Variants in FOXH1 observed in about 807,000 individuals in gnomAD.
The protein encoded by FOXH1 is forkhead box H1, also known as forkhead box protein H1.
FOXH1 carries 10 observed loss-of-function variants against 14.2 expected under a neutral mutation model. The observed-to-expected ratio is 0.70, with a 90% CI of 0.43 to 1.19. The LOEUF is 1.19. FOXH1 is among the 50% of genes most tolerant of loss of function. FOXH1 has a pLI of 0.00. For synonymous variants in FOXH1, 273 were observed against 209.5 expected, an observed-to-expected ratio of 1.30 and a Z score of -2.62; for missense variants, 643 against 492.1, an observed-to-expected ratio of 1.31 and a Z score of -2.90.
intron 2 of FOXH1, 29 bp from the exon 3 acceptor site, chr8:144,475,085 G>T: frequency 6.3e-7 from 1 of 1,599,780 alleles, no homozygotes; most frequent in South Asian, 1.1e-5. Context: ...CATGGGTGGG[G>T]CTGCCCAACC....
chr8:144,473,697 A>G lies in FOXH1; in HGVS notation c.*541T>C. The G allele has an allele frequency of 4.1e-6, 2 of 483,412 alleles. No individual in the cohort carries two copies. The highest frequency in any genetic ancestry group is 3.9e-5 in the South Asian group (1 of 25,322). The allele number at this position is 483,412 out of a possible 1,614,324, so 29.9% of individuals were successfully genotyped here. A position where few individuals can be genotyped will look rare whatever the true frequency, so the allele number is the denominator to read the frequency against. ...GGCCCCCCCGCCAAGTGGTTACCCA[A>G]GTCACCACTCCTGACCCAAAAATCA... On this transcript the variant is annotated 3_prime_UTR_variant, in exon 3 of 3. Transcript: ENST00000377317.
Position 144,475,696 on chromosome 8 carries a change from G to C in FOXH1, c.61C>G (p.Pro21Ala). 1 of 1,425,508 alleles carries C rather than the reference G, an allele frequency of 7.0e-7. No individual in the cohort carries two copies. Among genetic ancestry groups the C allele is most frequent in the Non-Finnish European group, 9.2e-7 (1 of 1,088,776 alleles). The allele number at this position is 1,425,508 out of a possible 1,614,324, so 88.3% of individuals were successfully genotyped here. Residue 21 changes from proline (P) to alanine (A), a missense_variant, in exon 1 of 3, where the codon CCT becomes GCT. By Grantham distance (27) the Pro-to-Ala change is conservative. Transcript: ENST00000377317. The part of the protein sequence containing the change: ...PPEAESPSQP[P>A]KRRKKRYLRH... ...AGGTACCTCTTCTTCCTCCTCTTAG[G>C]GGGCTGGGAGGGCGACTCTGCCTCT...
chr8:144,475,377 G>A (rs2130040652), intron 1 of FOXH1, 116 bp from the exon 2 acceptor site: 1 of 991,978 alleles, frequency 1.0e-6, no homozygotes, highest in Non-Finnish European at 1.5e-6. Flanking sequence ...TGCTGTCCCC[G>A]AAGAAGGACA....
chr8:144,475,345 A>C, intron 1 of FOXH1, 84 bp from the exon 2 acceptor site: 1 of 1,223,276 alleles, frequency 8.2e-7, no homozygotes, highest in Non-Finnish European at 1.2e-6. Flanking sequence ...TACCGGGCTC[A>C]GGGGCGCGCG....
chr8:144,475,605 G>A lies in FOXH1; in HGVS notation c.152C>T (p.Ser51Phe). 1 of 1,447,824 alleles carries A rather than the reference G, an allele frequency of 6.9e-7. No individual in the cohort carries two copies. The highest frequency in any genetic ancestry group is 1.5e-5 in the South Asian group (1 of 66,378). The allele number at this position is 1,447,824 out of a possible 1,614,324, so 89.7% of individuals were successfully genotyped here. The stretch of plus-strand genomic sequence containing the variant: ...CACCTGGGCCAGCTTCAGTCTGCGG[G>A]AGGGAGCGGCCTGAATCACCAAGGC... ...MIALVIQAAP[S>F]RRLKLAQIIR... The change falls in exon 1 of 3, where the codon TCC becomes TTC. Residue 51 changes from serine to phenylalanine, a missense_variant. Physicochemically the swap from Ser to Phe is radical, Grantham distance 155. Transcript: ENST00000377317.
At position 144,475,771 on chromosome 8, in the gene FOXH1, A is replaced by C; in HGVS notation, c.-15T>G. 7.3e-7 allele frequency: 1 copy of C among 1,374,446 alleles called. No individual in the cohort carries two copies. Among genetic ancestry groups the C allele is most frequent in the South Asian group, 1.9e-5 (1 of 51,452 alleles). 85.1% of individuals were successfully genotyped at this position (1,374,446 alleles called of 1,614,324 possible). On this transcript the variant is annotated 5_prime_UTR_variant, in exon 1 of 3. Coordinates refer to ENST00000377317, the MANE Select transcript of FOXH1 (RefSeq NM_003923.3). ...CAGGGCCCCATGCGGGACGGTAGAC[A>C]GCGTGGGCAGGGGCCTGGCCGGGTG...
Position 144,474,822 on chromosome 8 carries a change from G to A in FOXH1, c.514C>T (p.Leu172=). ...GCCCCCTCCCCGGACCCTCCTAGCA[G>A]GGACTTGATGCTGAAGCCCTCACTG... ...PPSEGFSIKS[L]LGGSGEGAPW... is the part of the protein sequence containing the mutation. The change falls in exon 3 of 3, where the codon CTG becomes TTG. Residue 172 remains leucine (L), a synonymous_variant. Transcript: ENST00000377317. The A allele has an allele frequency of 6.2e-7, 1 of 1,611,632 alleles. No individual in the cohort carries two copies. Among genetic ancestry groups the A allele is most frequent in the Non-Finnish European group, 8.5e-7 (1 of 1,179,572 alleles).
In FOXH1 at chr8:144,474,729, C is replaced by T. The variant is rs530796374; in HGVS notation, c.607G>A (p.Ala203Thr). The T allele has an allele frequency of 5.8e-6, 9 of 1,550,554 alleles. No individual in the cohort carries two copies. The highest frequency in any genetic ancestry group is 1.9e-5 in the Admixed American group (1 of 52,540). Residue 203 changes from alanine (A) to threonine (T), a missense_variant, in exon 3 of 3, where the codon GCG (alanine) becomes ACG (threonine). Ala to Thr is a moderately conservative substitution (Grantham distance 58). Coordinates refer to ENST00000377317, the MANE Select transcript of FOXH1 (RefSeq NM_003923.3). ...GAGGGAAGGGGTGGGGTGGGCACCG[C>T]CTCCTCCCCACTGTTCCCTGTGCCT... ...PAGTGNSGEE[A>T]VPTPPLPSSE...
chr8:144,474,216 A>G lies in FOXH1; in HGVS notation c.*22T>C, dbSNP rs777157477. The G allele has an allele frequency of 1.3e-6, 2 of 1,518,634 alleles. No homozygotes were observed. Among genetic ancestry groups the G allele is most frequent in the Non-Finnish European group, 1.8e-6 (2 of 1,128,976 alleles). The allele number at this position is 1,518,634 out of a possible 1,614,324, so 94.1% of individuals were successfully genotyped here. A position where few individuals can be genotyped will look rare whatever the true frequency, so the allele number is the denominator to read the frequency against. On this transcript the variant is annotated 3_prime_UTR_variant, in exon 3 of 3. Transcript: ENST00000377317. ...GGTGGGGGTGGGAGCGGGAGGGAGG[A>G]GTGGCCCCTGTCTTAAGAGCCTCAC... is the stretch of plus-strand genomic sequence containing the variant.
chr8:144,475,019 T>C lies in FOXH1; in HGVS notation c.317A>G (p.Asn106Ser). The C allele has an allele frequency of 6.2e-7, 1 of 1,604,770 alleles. No individual in the cohort carries two copies. The highest frequency in any genetic ancestry group is 1.1e-5 in the South Asian group (1 of 89,760). ...KDPAKPQAKG[N>S]FWAVDVSLIP... ...CAGGCTCACGTCGACCGCCCAGAAG[T>C]TGCCCTTGGCCTGGGGCTTTGCAGG... The change falls in exon 3 of 3, where the codon AAC becomes AGC. Residue 106 changes from asparagine (N) to serine (S), a missense_variant. By Grantham distance (46) the Asn-to-Ser change is conservative (BLOSUM62 1). Coordinates refer to ENST00000377317, the MANE Select transcript of FOXH1 (RefSeq NM_003923.3).
chr8:144,473,466 C>T lies in FOXH1; in HGVS notation c.*772G>A, dbSNP rs1321170926. 4 of 1,469,702 alleles carry T rather than the reference C, an allele frequency of 2.7e-6. No individual in the cohort carries two copies. Among genetic ancestry groups the T allele is most frequent in the Non-Finnish European group, 3.6e-6 (4 of 1,113,068 alleles). The allele number at this position is 1,469,702 out of a possible 1,614,324, so 91.0% of individuals were successfully genotyped here. A position where few individuals can be genotyped will look rare whatever the true frequency, so the allele number is the denominator to read the frequency against. ...GAGGCGGTAGTAAAGTCCCTGTACCCCGTCTCCCAGGGCACAAGCTCCCTA... is the reference window on the plus strand; with the variant it reads ...GAGGCGGTAGTAAAGTCCCTGTACCTCGTCTCCCAGGGCACAAGCTCCCTA... On this transcript the variant is annotated 3_prime_UTR_variant, in exon 3 of 3. Transcript: ENST00000377317.
Position 144,474,672 on chromosome 8 carries a change from G to T in FOXH1, c.664C>A (p.Leu222Ile). 1 of 1,543,606 alleles carries T rather than the reference G, an allele frequency of 6.5e-7. No homozygotes were observed. The highest frequency in any genetic ancestry group is 2.3e-5 in the East Asian group (1 of 43,254). ...CCCTCCACTCTCGTGGGGCCAGGAA[G>T]GGGGCAGAGGGGCCACAGAGGCCTC... Reference protein sequence around the residue: ...SERPLWPLCPLPGPTRVEGET... With the variant: ...SERPLWPLCPIPGPTRVEGET... Residue 222 changes from leucine to isoleucine, a missense_variant, in exon 3 of 3, where the codon CTT becomes ATT. Coordinates refer to ENST00000377317, the MANE Select transcript of FOXH1 (RefSeq NM_003923.3).
rs1323599022 is a variant in FOXH1 at position 144,474,745 on chromosome 8, C to T, written c.591G>A (p.Gly197=). The T allele has an allele frequency of 3.2e-6, 5 of 1,567,752 alleles. No homozygotes were observed. Among genetic ancestry groups the T allele is most frequent in the Middle Eastern group, 1.7e-4 (1 of 5,868 alleles). The change falls in exon 3 of 3, where the codon GGG becomes GGA. Residue 197 remains glycine (G), a synonymous_variant. Coordinates refer to ENST00000377317, the MANE Select transcript of FOXH1 (RefSeq NM_003923.3). ...TGGGCACCGCCTCCTCCCCACTGTTCCCTGTGCCTGCAGGAACTGGGCTGC... is the reference window on the plus strand; with the variant it reads ...TGGGCACCGCCTCCTCCCCACTGTTTCCTGTGCCTGCAGGAACTGGGCTGC... The part of the protein sequence containing the change: ...PQSSPVPAGT[G]NSGEEAVPTP...
rs1825063106 is a variant in FOXH1 at position 144,474,151 on chromosome 8, G to C, written c.*87C>G. On this transcript the variant is annotated 3_prime_UTR_variant, in exon 3 of 3. Coordinates refer to ENST00000377317, the MANE Select transcript of FOXH1 (RefSeq NM_003923.3). ...CTGCCTGGTGTTTCGAGGCTGCTGT[G>C]GTCGCAGACAGCCGCCTCGCCTTGG... 1 of 1,035,828 alleles carries C rather than the reference G, an allele frequency of 9.7e-7. No homozygotes were observed. Among genetic ancestry groups the C allele is most frequent in the African/African-American group, 1.6e-5 (1 of 61,888 alleles). 64.2% of individuals were successfully genotyped at this position (1,035,828 alleles called of 1,614,324 possible).
rs751324327 is a variant in FOXH1 at position 144,474,228 on chromosome 8, C to T, written c.*10G>A. ...AGCGGGAGGGAGGAGTGGCCCCTGT[C>T]TTAAGAGCCTCACAGGCTGCACCAG... On this transcript the variant is annotated 3_prime_UTR_variant, in exon 3 of 3. Transcript: ENST00000377317. 1.6e-5 allele frequency: 25 copies of T among 1,554,696 alleles called. No homozygotes were observed. Among genetic ancestry groups the T allele is most frequent in the African/African-American group, 5.5e-5 (4 of 73,080 alleles).
rs1264277355 is a variant in FOXH1 at position 144,474,232 on chromosome 8, A to G, written c.*6T>C. On this transcript the variant is annotated 3_prime_UTR_variant, in exon 3 of 3. Transcript: ENST00000377317. ...GGAGGGAGGAGTGGCCCCTGTCTTA[A>G]GAGCCTCACAGGCTGCACCAGGAGA... The G allele has an allele frequency of 1.9e-6, 3 of 1,556,850 alleles. No individual in the cohort carries two copies. The highest frequency in any genetic ancestry group is 2.7e-5 in the African/African-American group (2 of 73,138).
At position 144,475,068 on chromosome 8, in the gene FOXH1, G is replaced by A; in HGVS notation, c.280-12C>T. 2 of 1,599,858 alleles carry A rather than the reference G, an allele frequency of 1.3e-6. No individual in the cohort carries two copies. The highest frequency in any genetic ancestry group is 1.7e-6 in the Non-Finnish European group (2 of 1,173,360). Reference sequence around the variant, plus strand: ...GGGTCCTTGGGCACCTGGGTGTGGGGGTCAGACATGGGTGGGGCTGCCCAA... The same window carrying A: ...GGGTCCTTGGGCACCTGGGTGTGGGAGTCAGACATGGGTGGGGCTGCCCAA... On this transcript the variant is annotated splice_polypyrimidine_tract_variant and intron_variant, in intron 2 of 2. Transcript: ENST00000377317.
Position 144,473,857 on chromosome 8 carries a change from G to A in FOXH1, c.*381C>T. 5.2e-6 allele frequency: 2 copies of A among 386,978 alleles called. No individual in the cohort carries two copies. The highest frequency in any genetic ancestry group is 9.3e-6 in the Non-Finnish European group (2 of 214,874). The allele number at this position is 386,978 out of a possible 1,614,324, so 24.0% of individuals were successfully genotyped here. A position where few individuals can be genotyped will look rare whatever the true frequency, so the allele number is the denominator to read the frequency against. On this transcript the variant is annotated 3_prime_UTR_variant, in exon 3 of 3. Transcript: ENST00000377317. ...CTCCTTTCCAGACAGATGAGAGAGG[G>A]CAGGACTTCAGGCTGGATCCACCAC...
At position 144,473,849 on chromosome 8, in the gene FOXH1, G is replaced by T; in HGVS notation, c.*389C>A. On this transcript the variant is annotated 3_prime_UTR_variant, in exon 3 of 3. Coordinates refer to ENST00000377317, the MANE Select transcript of FOXH1 (RefSeq NM_003923.3). ...GGTGCTACCTCCTTTCCAGACAGAT[G>T]AGAGAGGGCAGGACTTCAGGCTGGA... 1 of 374,274 alleles carries T rather than the reference G, an allele frequency of 2.7e-6. No homozygotes were observed. The highest frequency in any genetic ancestry group is 4.8e-6 in the Non-Finnish European group (1 of 207,142). The allele number at this position is 374,274 out of a possible 1,614,324, so 23.2% of individuals were successfully genotyped here.
Sources: allele counts gnomAD v4.1 joint callset, GRCh38; gene constraint gnomAD v4.1.1; transcripts MANE v1.5; gene names NCBI Gene and HGNC (gene_info 2026-07-23, HGNC 2026-07-21).